The following PHF6 variants were observed in gnomAD, a reference collection of about 807,000 sequenced individuals.
PHF6 encodes the protein PHD finger protein 6.
A neutral mutation model predicts 34.0 loss-of-function variants in PHF6; 7 were observed. That is an observed-to-expected ratio of 0.21 (90% CI 0.12 to 0.39). The LOEUF (loss-of-function observed/expected upper bound fraction) is 0.39. PHF6 is among the 10% of genes least tolerant of loss of function. PHF6 has a pLI of 1.00. For synonymous variants in PHF6, 89 were observed against 88.4 expected (o/e 1.01, Z -0.04); for missense variants, 128 against 262.8 (o/e 0.49, Z 3.55).
At chrX:134,394,634 G>A (rs1209261034) in intron 5 of PHF6, among the ~76,000 whole-genome samples, 3 of 106,426 alleles carry the variant, frequency 2.8e-5, no homozygotes, top group Non-Finnish European at 5.8e-5. Context: ...TCCGCCTCCC[G>A]GGTTCACATC....
intron 5 of PHF6, among the ~76,000 whole-genome samples, chrX:134,403,334 G>C (rs1366829159): frequency 8.9e-6 from 1 of 111,907 alleles, no homozygotes; most frequent in Non-Finnish European, 1.9e-5. Flanking sequence ...CTGGATAGAA[G>C]ATCAAACCAG....
intron 5 of PHF6, among the ~76,000 whole-genome samples, chrX:134,395,436 G>C (rs1381923354): frequency 8.9e-6 from 1 of 112,143 alleles, no homozygotes; most frequent in Non-Finnish European, 1.9e-5. Flanking sequence ...TCTGTAAAAA[G>C]TATGCGAAAA....
intron 5 of PHF6, among the ~76,000 whole-genome samples, chrX:134,404,117 A>AT (rs77081480): frequency 0.3 from 33,004 of 111,191 alleles, 4,093 homozygotes; most frequent in East Asian, 0.65. Flanking sequence ...GCTGCCATAC[A>AT]TAGTGATTTC....
chrX:134,417,034 A>G, intron 8 of PHF6, 135 bp from the exon 9 acceptor site: 1 of 674,132 alleles, frequency 1.5e-6, no homozygotes, highest in Non-Finnish European at 2.3e-6. Context: ...TAGAGGGCTT[A>G]TCAAAGTATG....
At chrX:134,411,857 C>T (rs923441332) in intron 5 of PHF6, among the ~76,000 whole-genome samples, 1 of 111,253 alleles carries the variant, frequency 9.0e-6, no homozygotes, top group African/African-American at 3.3e-5. Flanking sequence ...CTCAGCCTCC[C>T]GATTAGCTGG....
chrX:134,394,211 G>T (rs1225119890), intron 5 of PHF6, among the ~76,000 whole-genome samples: 1 of 108,570 alleles, frequency 9.2e-6, no homozygotes, highest in Non-Finnish European at 1.9e-5. Context: ...ACAGCTTACT[G>T]CAACCTCTAC....
intron 5 of PHF6, among the ~76,000 whole-genome samples, chrX:134,409,401 A>G (rs1243023396): frequency 1.8e-5 from 2 of 111,218 alleles, no homozygotes; most frequent in African/African-American, 6.5e-5. Context: ...TTTAACTGCT[A>G]TTGCTTTATA....
chrX:134,385,004 C>A (rs1312627369), intron 3 of PHF6, among the ~76,000 whole-genome samples: 1 of 111,587 alleles, frequency 9.0e-6, no homozygotes, highest in African/African-American at 3.3e-5. Flanking sequence ...TCCCACCCTT[C>A]CAACATACTA....
At chrX:134,399,165 T>C (rs1162069256) in intron 5 of PHF6, among the ~76,000 whole-genome samples, 1 of 111,491 alleles carries the variant, frequency 9.0e-6, no homozygotes, top group Non-Finnish European at 1.9e-5. Flanking sequence ...AACCAAATGG[T>C]CAACTTCGTG....
chrX:134,397,114 AT>A (rs60240568), intron 5 of PHF6, among the ~76,000 whole-genome samples: 13,527 of 111,373 alleles, frequency 0.12, 706 homozygotes, highest in East Asian at 0.21. Context: ...TAGCAATTCA[AT>A]TTTCCCATCA....
chrX:134,422,170 G>A (rs1417845295), intron 9 of PHF6, among the ~76,000 whole-genome samples: 4 of 110,748 alleles, frequency 3.6e-5, no homozygotes, highest in Admixed American at 2.9e-4. Context: ...CGATCCACCC[G>A]CCCCAGCCTC....
chrX:134,388,100 A>G (rs942931187), intron 3 of PHF6, among the ~76,000 whole-genome samples: 2 of 112,001 alleles, frequency 1.8e-5, no homozygotes, highest in Middle Eastern at 4.2e-3. Flanking sequence ...TAAATTTAAC[A>G]AATAAAAACT....
chrX:134,417,749 C>G (rs1037001051), intron 9 of PHF6: 10 of 116,839 alleles, frequency 8.6e-5, no homozygotes, highest in Non-Finnish European at 3.5e-5. Context: ...ATCCCAGCTA[C>G]TCGGGAGGCT....
rs759675921 is a variant in PHF6 at position 134,378,019 on chromosome X, T to G, written c.153T>G (p.Ala51=). ...GTAATTTATAGCTCTTTTCATCTGC[T>G]TTGGTATCATCACACTCTGATAATG... ...AHHKCMLFSS[A]LVSSHSDNES... The change falls in exon 3 of 11, where the codon GCT becomes GCG. Residue 51 remains alanine (A), a synonymous_variant. Transcript: ENST00000370803. The G allele has an allele frequency of 5.0e-6, 6 of 1,194,620 alleles. No homozygotes were observed. Among genetic ancestry groups the G allele is most frequent in the Admixed American group, 4.5e-5 (2 of 44,721 alleles).
intron 3 of PHF6, among the ~76,000 whole-genome samples, chrX:134,381,520 G>GTT (rs1246356180): frequency 9.6e-6 from 1 of 104,396 alleles, no homozygotes; most frequent in Non-Finnish European, 2.0e-5. Context: ...TTGAGATGGA[G>GTT]TTTCGCTCTT....
At chrX:134,403,590 A>G (rs1399905421) in intron 5 of PHF6, among the ~76,000 whole-genome samples, 1 of 112,272 alleles carries the variant, frequency 8.9e-6, no homozygotes, top group African/African-American at 3.2e-5. Context: ...GAAGTTGCCT[A>G]CACAAAACAA....
intron 6 of PHF6, 22 bp from the exon 7 acceptor site, chrX:134,413,801 G>T (rs761461292): frequency 8.3e-7 from 1 of 1,209,822 alleles, no homozygotes; most frequent in Non-Finnish European, 1.1e-6. Context: ...TTTTAAGTTC[G>T]TTTTTTCTTT....
intron 5 of PHF6, among the ~76,000 whole-genome samples, chrX:134,405,844 A>T (rs936596768): frequency 9.3e-6 from 1 of 107,813 alleles, no homozygotes; most frequent in Non-Finnish European, 1.9e-5. Context: ...TAAATGATTT[A>T]TATATATAAA....
At chrX:134,392,696 T>C (rs1158630980) in intron 3 of PHF6, among the ~76,000 whole-genome samples, 1 of 112,139 alleles carries the variant, frequency 8.9e-6, no homozygotes, top group Non-Finnish European at 1.9e-5. Context: ...AACTACCTAA[T>C]TCTTTCACCT....
Sources: allele counts gnomAD v4.1 joint callset (sites outside exome capture counted in the v4.1 genomes callset), GRCh38; gene constraint gnomAD v4.1.1; transcripts MANE v1.5; gene names NCBI Gene and HGNC (gene_info 2026-07-23, HGNC 2026-07-21).